MC2R: variants seen among roughly 807,000 people sequenced by gnomAD.
The protein encoded by MC2R is adrenocorticotropic hormone receptor.
A neutral mutation model predicts 9.8 loss-of-function variants in MC2R; 9 were observed. The observed-to-expected ratio is 0.92, with a 90% CI of 0.55 to 1.60. The LOEUF (loss-of-function observed/expected upper bound fraction) is 1.60, where lower values mean the gene tolerates loss of function less well. Among genes scored for constraint, MC2R ranks in the 40% most tolerant of loss-of-function variants. The pLI is 0.00. For synonymous variants in MC2R, 185 were observed against 154.7 expected (o/e 1.20, Z -1.45); for missense variants, 370 against 389.0 (o/e 0.95, Z 0.41).
intron 1 of MC2R, among the ~76,000 whole-genome samples, chr18:13,897,808 A>T (rs2045355298): frequency 6.6e-6 from 1 of 151,996 alleles, no homozygotes; most frequent in Non-Finnish European, 1.5e-5. Context: ...GGAAGGAACC[A>T]GTTCTGGCAG....
rs570503962 is a variant in MC2R, at chr18:13,906,032, C to G, written c.-129+9456G>C. ...GAGGTTGCAGTGAGCTGAGATTGTG[C>G]CATTGCACTCCACCCTGGTGACAGA... On this transcript the variant is annotated intron_variant, in intron 1 of 1. Transcript: ENST00000327606. Among the ~76,000 whole-genome samples, 21 of 152,148 alleles carry G rather than the reference C, an allele frequency of 1.4e-4. No homozygotes were observed. In the South Asian group the frequency reaches 4.4e-3, roughly 32 times the overall value.
chr18:13,912,820 T>C (rs563433955), intron 1 of MC2R, among the ~76,000 whole-genome samples: 1 of 152,328 alleles, frequency 6.6e-6, no homozygotes, highest in Non-Finnish European at 1.5e-5. Context: ...CAGAGCTCGC[T>C]ATGGTAGGCA....
chr18:13,910,344 T>A (rs1567903704), intron 1 of MC2R, among the ~76,000 whole-genome samples: 1 of 152,194 alleles, frequency 6.6e-6, no homozygotes, highest in Non-Finnish European at 1.5e-5. Flanking sequence ...TGAGAGTTAC[T>A]CAGACTTACT....
chr18:13,904,134 G>A (rs1479479226), intron 1 of MC2R, among the ~76,000 whole-genome samples: 1 of 151,782 alleles, frequency 6.6e-6, no homozygotes. Flanking sequence ...CAGCAGTCTG[G>A]GAGGAAGAGA....
chr18:13,907,315 C>A (rs762948809), intron 1 of MC2R, among the ~76,000 whole-genome samples: 1 of 148,552 alleles, frequency 6.7e-6, no homozygotes, highest in Non-Finnish European at 1.5e-5. Flanking sequence ...AACTGGATAT[C>A]CATATGCAGA....
chr18:13,909,938 ATTATT>A (rs2045435494), intron 1 of MC2R, among the ~76,000 whole-genome samples: 1 of 152,152 alleles, frequency 6.6e-6, no homozygotes, highest in Non-Finnish European at 1.5e-5. Context: ...AATAAAGTCT[ATTATT>A]TATTTTTTCT....
chr18:13,888,353 GGT>G (rs1421727980), intron 1 of MC2R, among the ~76,000 whole-genome samples: 3 of 152,174 alleles, frequency 2.0e-5, no homozygotes, highest in Non-Finnish European at 4.4e-5. Context: ...GGCTGCAGGT[GGT>G]GTGTGGCCCC....
chr18:13,911,871 C>T (rs554680622), intron 1 of MC2R, among the ~76,000 whole-genome samples: 1 of 152,222 alleles, frequency 6.6e-6, no homozygotes. Context: ...ATTGGAAATC[C>T]AAAAGATACA....
intron 1 of MC2R, among the ~76,000 whole-genome samples, chr18:13,893,204 G>A (rs777710000): frequency 2.0e-5 from 3 of 152,054 alleles, no homozygotes; most frequent in East Asian, 1.9e-4. Flanking sequence ...AACGACATCC[G>A]GAAGTTTATA....
At chr18:13,911,547 C>A (rs2045444630) in intron 1 of MC2R, among the ~76,000 whole-genome samples, 1 of 152,166 alleles carries the variant, frequency 6.6e-6, no homozygotes, top group Non-Finnish European at 1.5e-5. Flanking sequence ...GACTTCTCTG[C>A]CTTACCTAGC....
At position 13,882,559 on chromosome 18, in the gene MC2R, G is replaced by A. The variant is rs2045238826; in HGVS notation, c.*2066C>T. ...CCTTCTGACAACAGTCACATGCACA[G>A]CAGAGAGCTTGAGAGTGATTAGGAG... On this transcript the variant is annotated 3_prime_UTR_variant, in exon 2 of 2. Coordinates refer to ENST00000327606, the MANE Select transcript of MC2R (RefSeq NM_000529.2). 2 of 152,204 alleles carry A rather than the reference G, an allele frequency of 1.3e-5. No individual in the cohort carries two copies. The highest frequency in any genetic ancestry group is 2.4e-5 in the African/African-American group (1 of 41,460). The allele number at this position is 152,204 out of a possible 1,614,324, so 9.4% of individuals were successfully genotyped here. A position where few individuals can be genotyped will look rare whatever the true frequency, so the allele number is the denominator to read the frequency against.
chr18:13,913,375 C>T (rs978297713), intron 1 of MC2R, among the ~76,000 whole-genome samples: 4 of 152,186 alleles, frequency 2.6e-5, no homozygotes, highest in Non-Finnish European at 5.9e-5. Flanking sequence ...CTCACACAAA[C>T]GCTTGCTGCC....
At position 13,884,686 on chromosome 18, in the gene MC2R, A is replaced by G; in HGVS notation, c.833T>C (p.Phe278Ser). 6.2e-7 allele frequency: 1 copy of G among 1,614,126 alleles called. No homozygotes were observed. The highest frequency in any genetic ancestry group is 8.5e-7 in the Non-Finnish European group (1 of 1,180,032). The change falls in exon 2 of 2, where the codon TTC becomes TCC. Residue 278 changes from phenylalanine to serine, a missense_variant. By Grantham distance (155) the Phe-to-Ser change is radical. Transcript: ENST00000327606. Reference sequence around the variant, plus strand: ...TGCGTCCCTGAGCTCTGGGCTCCGGAAGGCATATATGAAGGGGTCAATGAC... The same window carrying G: ...TGCGTCCCTGAGCTCTGGGCTCCGGGAGGCATATATGAAGGGGTCAATGAC... ...NAVIDPFIYA[F>S]RSPELRDAFK...
At chr18:13,895,795 C>T (rs908284606) in intron 1 of MC2R, among the ~76,000 whole-genome samples, 11 of 152,012 alleles carry the variant, frequency 7.2e-5, no homozygotes, top group Middle Eastern at 3.4e-3. Flanking sequence ...AGCTGAAATA[C>T]CACTGGCACT....
rs1461226565 is a variant in MC2R, at chr18:13,883,275, G to C, written c.*1350C>G. 1 of 152,256 alleles carries C rather than the reference G, an allele frequency of 6.6e-6. No homozygotes were observed. Among genetic ancestry groups the C allele is most frequent in the Non-Finnish European group, 1.5e-5 (1 of 68,080 alleles). The allele number at this position is 152,256 out of a possible 1,614,324, so 9.4% of individuals were successfully genotyped here. On this transcript the variant is annotated 3_prime_UTR_variant, in exon 2 of 2. Coordinates refer to ENST00000327606, the MANE Select transcript of MC2R (RefSeq NM_000529.2). ...CCCATTCAAGTCACCCTCCAACTTA[G>C]TGGGGACTTACAATCAGGATGTGCT...
chr18:13,913,672 C>A (rs2045459857), intron 1 of MC2R, among the ~76,000 whole-genome samples: 1 of 152,226 alleles, frequency 6.6e-6, no homozygotes. Context: ...CACGTTCTCT[C>A]TCCCTGGGCC....
chr18:13,883,263 C>T lies in MC2R; in HGVS notation c.*1362G>A, dbSNP rs1445635573. 1 of 152,306 alleles carries T rather than the reference C, an allele frequency of 6.6e-6. No individual in the cohort carries two copies. The highest frequency in any genetic ancestry group is 1.5e-5 in the Non-Finnish European group (1 of 68,070). 9.4% of individuals were successfully genotyped at this position (152,306 alleles called of 1,614,324 possible). The stretch of plus-strand genomic sequence containing the variant: ...TTCACCTTTCACCCCATTCAAGTCA[C>T]CCTCCAACTTAGTGGGGACTTACAA... On this transcript the variant is annotated 3_prime_UTR_variant, in exon 2 of 2. Transcript: ENST00000327606.
chr18:13,904,027 T>A (rs888420227), intron 1 of MC2R, among the ~76,000 whole-genome samples: 2 of 152,004 alleles, frequency 1.3e-5, no homozygotes, highest in African/African-American at 4.8e-5. Flanking sequence ...CTGCTTGTAT[T>A]TTGAGTCACC....
chr18:13,906,848 T>C, intron 1 of MC2R, among the ~76,000 whole-genome samples: 1 of 152,154 alleles, frequency 6.6e-6, no homozygotes, highest in Non-Finnish European at 1.5e-5. Context: ...ATGAAAACTA[T>C]AAAACACTGA....
Sources: allele counts gnomAD v4.1 joint callset (sites outside exome capture counted in the v4.1 genomes callset), GRCh38; gene constraint gnomAD v4.1.1; transcripts MANE v1.5; gene names NCBI Gene and HGNC (gene_info 2026-07-23, HGNC 2026-07-21).